PCDH9: variants seen among roughly 807,000 people sequenced by gnomAD.
PCDH9 encodes the protein protocadherin-9.
A neutral mutation model predicts 70.6 loss-of-function variants in PCDH9; 24 were observed. The ratio of observed to expected loss-of-function variants is 0.34; its 90% CI spans 0.25 to 0.48. PCDH9 has a LOEUF of 0.48. Among genes scored for constraint, PCDH9 ranks in the 20% least tolerant of loss-of-function variants. The probability of loss-of-function intolerance (pLI) is 0.99; values close to 1 mark genes in which losing one functional copy is unlikely to be tolerated. For missense variants in PCDH9, 1,281 were observed against 1,503.6 expected (o/e 0.85, Z 2.45); for synonymous variants, 562 against 558.5 (o/e 1.01, Z -0.09).
chr13:66,477,105 T>C (rs2138498703), intron 4 of PCDH9, among the ~76,000 whole-genome samples: 1 of 152,176 alleles, frequency 6.6e-6, no homozygotes, highest in African/African-American at 2.4e-5. Context: ...ATTTTGACAT[T>C]AAGAGACTAA....
intron 3 of PCDH9, among the ~76,000 whole-genome samples, chr13:66,687,624 C>G (rs1224164915): frequency 6.6e-6 from 1 of 152,040 alleles, no homozygotes; most frequent in East Asian, 1.9e-4. Context: ...ACTTTAGTGC[C>G]TGCTATTTGC....
At chr13:66,993,728 C>A (rs1009115746) in intron 2 of PCDH9, among the ~76,000 whole-genome samples, 1 of 152,136 alleles carries the variant, frequency 6.6e-6, no homozygotes, top group African/African-American at 2.4e-5. Flanking sequence ...TTTAGAAAAT[C>A]ATTTTTTAAA....
intron 3 of PCDH9, among the ~76,000 whole-genome samples, chr13:66,889,565 T>C (rs1224629711): frequency 6.6e-6 from 1 of 152,156 alleles, no homozygotes; most frequent in African/African-American, 2.4e-5. Flanking sequence ...GTTAATAAGA[T>C]ACATAAAGCA....
intron 4 of PCDH9, among the ~76,000 whole-genome samples, chr13:66,507,531 T>G (rs1169448813): frequency 6.6e-6 from 1 of 152,152 alleles, no homozygotes; most frequent in African/African-American, 2.4e-5. Flanking sequence ...GTTTGATTTT[T>G]TTGTATGTGT....
At chr13:66,886,822 TA>T (rs950248050) in intron 3 of PCDH9, among the ~76,000 whole-genome samples, 1 of 152,142 alleles carries the variant, frequency 6.6e-6, no homozygotes, top group African/African-American at 2.4e-5. Flanking sequence ...ATTCAGGAGC[TA>T]AATTCTCCAA....
intron 2 of PCDH9, among the ~76,000 whole-genome samples, chr13:66,937,820 CTTT>C (rs57911340): frequency 1.4e-5 from 2 of 146,860 alleles, no homozygotes; most frequent in Non-Finnish European, 1.5e-5. Context: ...ATCACTTTAC[CTTT>C]TTTTTTTTTG....
chr13:66,681,234 A>G, intron 3 of PCDH9, among the ~76,000 whole-genome samples: 1 of 152,088 alleles, frequency 6.6e-6, no homozygotes, highest in East Asian at 1.9e-4. Context: ...ACTCCCATTT[A>G]CAGAGAGCAT....
chr13:67,020,303 T>A (rs1419651758), intron 2 of PCDH9, among the ~76,000 whole-genome samples: 2 of 152,180 alleles, frequency 1.3e-5, no homozygotes, highest in African/African-American at 4.8e-5. Context: ...CATCCAACCA[T>A]CTGTCCCCTC....
chr13:67,000,905 A>G (rs544985822), intron 2 of PCDH9, among the ~76,000 whole-genome samples: 16 of 152,310 alleles, frequency 1.1e-4, no homozygotes, highest in African/African-American at 3.8e-4. Flanking sequence ...TTAAAGTGCT[A>G]AAGTCATTTA....
intron 3 of PCDH9, among the ~76,000 whole-genome samples, chr13:66,673,359 G>A (rs918361189): frequency 2.0e-5 from 3 of 152,018 alleles, no homozygotes; most frequent in African/African-American, 4.8e-5. Context: ...TGATTGTGAG[G>A]CTTCCCCAGC....
At chr13:66,527,057 G>A (rs1351524277) in intron 4 of PCDH9, among the ~76,000 whole-genome samples, 1 of 152,170 alleles carries the variant, frequency 6.6e-6, no homozygotes, top group African/African-American at 2.4e-5. Context: ...CCTGCTTTGT[G>A]TTGAGATGCG....
At chr13:66,874,914 AGTGTGTGT>A (rs36045690) in intron 3 of PCDH9, among the ~76,000 whole-genome samples, 1 of 137,404 alleles carries the variant, frequency 7.3e-6, no homozygotes, top group African/African-American at 2.8e-5. Context: ...CAAAAGCAGC[AGTGTGTGT>A]GTGTGTGTGT....
chr13:66,473,539 C>A lies in PCDH9; in HGVS notation c.3340+157671G>T, dbSNP rs1958661442. 2.0e-5 allele frequency among the ~76,000 whole-genome samples: 3 copies of A among 151,902 alleles called. No individual in the cohort carries two copies. The South Asian group carries it at 6.2e-4, about 32-fold the overall frequency. ...CTCTATTAAAATTTTATCAATAACT[C>A]CTGAATAATGCATTTATTAGGACTC... On this transcript the variant is annotated intron_variant, in intron 4 of 4. Coordinates refer to ENST00000377865, the MANE Select transcript of PCDH9 (RefSeq NM_203487.3).
At chr13:66,393,291 A>G (rs1001003235) in intron 4 of PCDH9, among the ~76,000 whole-genome samples, 2 of 152,198 alleles carry the variant, frequency 1.3e-5, no homozygotes, top group African/African-American at 4.8e-5. Flanking sequence ...CAAGATAAGT[A>G]ATGATTTGTG....
intron 2 of PCDH9, among the ~76,000 whole-genome samples, chr13:67,058,591 A>T (rs2085469316): frequency 6.6e-6 from 1 of 152,164 alleles, no homozygotes; most frequent in Non-Finnish European, 1.5e-5. Context: ...ATTCCTATAA[A>T]TGAGAGCGAA....
intron 2 of PCDH9, among the ~76,000 whole-genome samples, chr13:66,984,989 G>C (rs1318422962): frequency 6.6e-6 from 1 of 151,958 alleles, no homozygotes; most frequent in Non-Finnish European, 1.5e-5. Context: ...CCTTGCCTTA[G>C]GTTACTTGCA....
chr13:66,867,709 T>C (rs879459725), intron 3 of PCDH9, among the ~76,000 whole-genome samples: 3 of 152,106 alleles, frequency 2.0e-5, no homozygotes, highest in Admixed American at 2.0e-4. Flanking sequence ...TACCAAAAAG[T>C]AATCCTTTCA....
At chr13:66,473,401 T>G (rs940095931) in intron 4 of PCDH9, among the ~76,000 whole-genome samples, 1 of 152,098 alleles carries the variant, frequency 6.6e-6, no homozygotes, top group Non-Finnish European at 1.5e-5. Flanking sequence ...TTCATTTCCA[T>G]TGGTATGTGT....
chr13:66,958,639 C>A (rs2083298693), intron 2 of PCDH9, among the ~76,000 whole-genome samples: 1 of 152,102 alleles, frequency 6.6e-6, no homozygotes. Flanking sequence ...CTAGGACAGT[C>A]TATTCATTGA....
Sources: allele counts gnomAD v4.1 joint callset (sites outside exome capture counted in the v4.1 genomes callset), GRCh38; gene constraint gnomAD v4.1.1; transcripts MANE v1.5; gene names NCBI Gene and HGNC (gene_info 2026-07-23, HGNC 2026-07-21).